The following ERMP1 variants were observed in gnomAD, a reference collection of about 807,000 sequenced individuals.
ERMP1 encodes endoplasmic reticulum metallopeptidase 1.
In ERMP1, 86 loss-of-function variants were observed where a neutral mutation model predicts 92.0. That is an observed-to-expected ratio of 0.93 (90% CI 0.79 to 1.12). The LOEUF is 1.12. ERMP1 is among the 50% of genes most tolerant of loss of function. The pLI is 0.00. For missense variants in ERMP1, 1,342 were observed against 1,116.3 expected (o/e 1.20, Z -2.88); for synonymous variants, 530 against 412.8 (o/e 1.28, Z -3.44).
intron 2 of ERMP1, among the ~76,000 whole-genome samples, chr9:5,827,403 G>C (rs1829766952): frequency 6.6e-6 from 1 of 152,166 alleles, no homozygotes; most frequent in South Asian, 2.1e-4. Context: ...TTTTGAGAAA[G>C]TTTATGAATT....
At chr9:5,828,975 G>A (rs141924775) in intron 2 of ERMP1, among the ~76,000 whole-genome samples, 2 of 152,120 alleles carry the variant, frequency 1.3e-5, no homozygotes, top group Non-Finnish European at 2.9e-5. Context: ...CGGGCACAGT[G>A]GCTCACACCT....
chr9:5,839,643 C>T (rs750278464), intron 6 of ERMP1, among the ~76,000 whole-genome samples: 6 of 152,136 alleles, frequency 3.9e-5, no homozygotes, highest in South Asian at 2.1e-4. Context: ...CCCCCCTCTA[C>T]GTAGCTATCT....
intron 13 of ERMP1, among the ~76,000 whole-genome samples, chr9:5,792,694 T>C (rs1490234274): frequency 8.5e-5 from 13 of 152,152 alleles, no homozygotes; most frequent in Admixed American, 8.5e-4. Flanking sequence ...AAGGTCAACT[T>C]GATAGAATCC....
intron 4 of ERMP1, among the ~76,000 whole-genome samples, chr9:5,820,047 C>A (rs778947150): frequency 2.0e-5 from 3 of 152,206 alleles, no homozygotes; most frequent in Non-Finnish European, 4.4e-5. Flanking sequence ...CACCTGTAAT[C>A]CCAGCACTTT....
rs113445323 is a variant in ERMP1 at position 5,806,397 on chromosome 9, T to C, written c.1549-612A>G. Among the ~76,000 whole-genome samples the C allele has an allele frequency of 8.8e-3, 1,338 of 152,192 alleles. 7 individuals carry two copies. Among genetic ancestry groups the C allele is most frequent in the Non-Finnish European group, 0.012 (837 of 67,990 alleles). The stretch of plus-strand genomic sequence containing the variant: ...GTCCAAGGGTTCCTATGTAGCACCT[T>C]GCACTCTTCAAAATAAAGTTGCCAT... On this transcript the variant is annotated intron_variant, in intron 8 of 14. Transcript: ENST00000339450.
chr9:5,827,176 T>C (rs1376330989), intron 2 of ERMP1, among the ~76,000 whole-genome samples: 1 of 152,116 alleles, frequency 6.6e-6, no homozygotes, highest in African/African-American at 2.4e-5. Context: ...GATACACAGA[T>C]GAGAACTTAA....
At chr9:5,831,439 C>T (rs1243709767) in intron 1 of ERMP1, among the ~76,000 whole-genome samples, 2 of 152,088 alleles carry the variant, frequency 1.3e-5, no homozygotes, top group African/African-American at 4.8e-5. Context: ...AACCCCATCT[C>T]TTCTAAAACT....
rs747116388 is a variant in ERMP1 at position 5,785,123 on chromosome 9, T to G, written c.*2021A>C. 12 of 152,172 alleles carry G rather than the reference T, an allele frequency of 7.9e-5. No individual in the cohort carries two copies. The highest frequency in any genetic ancestry group is 7.2e-4 in the Admixed American group (11 of 15,278). The allele number at this position is 152,172 out of a possible 1,614,324, so 9.4% of individuals were successfully genotyped here. A position where few individuals can be genotyped will look rare whatever the true frequency, so the allele number is the denominator to read the frequency against. ...ACTAGTGAGCATCTTACTACTGACC[T>G]TGTACAATACCAAAGCTTCATAATG... On this transcript the variant is annotated 3_prime_UTR_variant, in exon 15 of 15. Transcript: ENST00000339450.
intron 7 of ERMP1, 49 bp from the exon 8 acceptor site, chr9:5,810,280 G>GT: frequency 2.2e-6 from 3 of 1,386,230 alleles, no homozygotes; most frequent in Non-Finnish European, 3.1e-6. Context: ...CATCAAATCA[G>GT]TTATATAACC....
intron 4 of ERMP1, among the ~76,000 whole-genome samples, chr9:5,820,254 G>A (rs888811354): frequency 6.6e-6 from 1 of 152,132 alleles, no homozygotes; most frequent in African/African-American, 2.4e-5. Flanking sequence ...AGCTGAGATC[G>A]CGTCACTGCA....
chr9:5,784,844 C>T lies in ERMP1; in HGVS notation c.*2300G>A, dbSNP rs918167268. ...GAAATCAATTCCTCACACTTTTTCC[C>T]TGAATATGCAGTACTGTACTACTAA... On this transcript the variant is annotated 3_prime_UTR_variant, in exon 15 of 15. Transcript: ENST00000339450. 1 of 152,530 alleles carries T rather than the reference C, an allele frequency of 6.6e-6. No individual in the cohort carries two copies. The allele number at this position is 152,530 out of a possible 1,614,324, so 9.4% of individuals were successfully genotyped here. A position where few individuals can be genotyped will look rare whatever the true frequency, so the allele number is the denominator to read the frequency against.
At chr9:5,833,292 G>T (rs892589204), upstream of ERMP1, among the ~76,000 whole-genome samples, 9 of 152,228 alleles carry the variant, frequency 5.9e-5, no homozygotes. Flanking sequence ...GTAGGACGGA[G>T]ATTGCCAAAT....
upstream of ERMP1, among the ~76,000 whole-genome samples, chr9:5,836,682 G>A (rs536884982): frequency 1.3e-5 from 2 of 152,212 alleles, no homozygotes; most frequent in South Asian, 2.1e-4. Flanking sequence ...TGGGCGTCAG[G>A]GTGCTGTTGG....
intron 5 of ERMP1, among the ~76,000 whole-genome samples, chr9:5,862,357 G>C (rs1193386897): frequency 1.3e-5 from 2 of 151,714 alleles, no homozygotes; most frequent in Non-Finnish European, 2.9e-5. Context: ...TTTAGAGACA[G>C]AGTCTCACTC....
At chr9:5,821,137 G>A (rs774359432) in intron 4 of ERMP1, among the ~76,000 whole-genome samples, 11 of 152,136 alleles carry the variant, frequency 7.2e-5, no homozygotes, top group Non-Finnish European at 1.3e-4. Context: ...TAAATTTTAT[G>A]TTTATACTAA....
At chr9:5,787,366 G>T in intron 14 of ERMP1, 58 bp from the exon 15 acceptor site, 19 of 1,601,780 alleles carry the variant, frequency 1.2e-5, no homozygotes, top group Non-Finnish European at 1.5e-5. Flanking sequence ...CTGAACCCAA[G>T]GTTCTTGCTA....
rs1264049111 is a variant in ERMP1 at position 5,784,575 on chromosome 9, A to G, written c.*2569T>C. ...CAGTTAAAAAGATACCAACCAGTAT[A>G]TTAAACAGTTTATTTCAGTAACATT... On this transcript the variant is annotated 3_prime_UTR_variant, in exon 15 of 15. Coordinates refer to ENST00000339450, the MANE Select transcript of ERMP1 (RefSeq NM_024896.3). 6.6e-6 allele frequency: 1 copy of G among 152,668 alleles called. No individual in the cohort carries two copies. The highest frequency in any genetic ancestry group is 1.5e-5 in the Non-Finnish European group (1 of 68,036). 9.5% of individuals were successfully genotyped at this position (152,668 alleles called of 1,614,324 possible).
intron 5 of ERMP1, among the ~76,000 whole-genome samples, chr9:5,860,576 A>C (rs1830455978): frequency 6.6e-6 from 1 of 152,020 alleles, no homozygotes; most frequent in Non-Finnish European, 1.5e-5. Flanking sequence ...GTGGCCATGA[A>C]AGTTGCAAGG....
intron 5 of ERMP1, among the ~76,000 whole-genome samples, chr9:5,862,011 T>TA (rs1026901892): frequency 4.0e-5 from 6 of 151,666 alleles, no homozygotes; most frequent in South Asian, 2.1e-4. Context: ...ATTTTTTTTT[T>TA]AAAAAAAGTA....
Sources: gnomAD v4.1 joint callset for allele counts (sites outside exome capture counted in the v4.1 genomes callset) on GRCh38, gnomAD v4.1.1 for gene constraint, MANE v1.5 for transcripts, NCBI Gene and HGNC (gene_info 2026-07-23, HGNC 2026-07-21) for gene names.